The following SSR4 variants were observed in gnomAD, a reference collection of about 807,000 sequenced individuals.
SSR4 encodes the protein translocon-associated protein subunit delta.
For missense variants in SSR4, 125 were observed against 148.8 expected, an observed-to-expected ratio of 0.84 and a Z score of 0.83; for synonymous variants, 84 against 65.6, an observed-to-expected ratio of 1.28 and a Z score of -1.35.
At chrX:153,794,404 G>C, upstream of SSR4, 1 of 1,142,333 alleles carries the variant, frequency 8.8e-7, no homozygotes, top group Non-Finnish European at 1.2e-6. Context: ...GCGAAGTTTC[G>C]GGGACAGGCG....
upstream of SSR4, chrX:153,794,650 G>C (rs1557071682): frequency 8.3e-7 from 1 of 1,211,660 alleles, no homozygotes; most frequent in Admixed American, 2.2e-5. Context: ...CGTGTTCATG[G>C]GAGCTCGTTT....
In SSR4 at chrX:153,797,435, C is replaced by T. The variant is rs151034120; in HGVS notation, c.187-23C>T. The T allele has an allele frequency of 8.5e-4, 1,021 of 1,196,039 alleles. 6 individuals are homozygous for T. The African/African-American group carries it at 0.016, about 18-fold the overall frequency. On this transcript the variant is annotated intron_variant, in intron 2 of 5. Transcript: ENST00000370086. The stretch of plus-strand genomic sequence containing the variant: ...ACACCCAGAGGGGGCAGAAGGTGAC[C>T]CTGCCTTTGTTCCCTCACCCAGAAC...
In SSR4 at chrX:153,797,536, A is replaced by AG; in HGVS notation, c.261+8dup. 2.5e-6 allele frequency: 3 copies of AG among 1,207,619 alleles called. No homozygotes were observed. Among genetic ancestry groups the AG allele is most frequent in the Non-Finnish European group, 1.1e-6 (1 of 891,676 alleles). On this transcript the variant is annotated splice_donor_region_variant and intron_variant, in intron 3 of 5. Transcript: ENST00000370086. ...CCAGGATGTGGGGCGTTATCAGGTG[A>AG]GGGGCCAATGGTTCCCTTGCTAGGG... is the stretch of plus-strand genomic sequence containing the variant.
intron 1 of SSR4, 55 bp from the exon 2 acceptor site, chrX:153,796,379 C>T: frequency 1.1e-6 from 1 of 929,377 alleles, no homozygotes; most frequent in Non-Finnish European, 1.6e-6. Flanking sequence ...ATCCTGCCCT[C>T]AGACCGGGAT....
upstream of SSR4, chrX:153,794,255 A>T: frequency 8.4e-7 from 1 of 1,194,799 alleles, no homozygotes; most frequent in Non-Finnish European, 1.1e-6. Context: ...CCTCCCAGGG[A>T]CGGCAGAGAA....
At chrX:153,796,260 A>G (rs2092140354) in intron 1 of SSR4, 174 bp from the exon 2 acceptor site, 1 of 430,414 alleles carries the variant, frequency 2.3e-6, no homozygotes, top group African/African-American at 2.4e-5. Flanking sequence ...CTACGTTGCC[A>G]TTGCATTTGT....
At chrX:153,794,344 T>C, upstream of SSR4, 1 of 1,184,795 alleles carries the variant, frequency 8.4e-7, no homozygotes, top group Non-Finnish European at 1.1e-6. Context: ...AGTGAGAGCC[T>C]CCGCACGTCC....
chrX:153,796,182 C>T (rs1355186545), intron 1 of SSR4: 2 of 381,316 alleles, frequency 5.2e-6, no homozygotes, highest in Non-Finnish European at 9.2e-6. Context: ...GTCCCCAGTT[C>T]GCTCTTCCTG....
intron 1 of SSR4, chrX:153,795,332 T>G (rs1257077850): frequency 1.8e-5 from 2 of 112,754 alleles, no homozygotes; most frequent in Non-Finnish European, 3.7e-5. Context: ...AGAGTGTGTT[T>G]AGGAGGTGGC....
chrX:153,794,948 C>T (rs1310683586), intron 1 of SSR4, 194 bp downstream of exon 1: 1 of 485,459 alleles, frequency 2.1e-6, no homozygotes, highest in Non-Finnish European at 3.4e-6. Flanking sequence ...CAGGCTTTTC[C>T]TTGTCTGCCC....
chrX:153,797,139 A>T, intron 2 of SSR4: 1 of 313,616 alleles, frequency 3.2e-6, no homozygotes, highest in Non-Finnish European at 5.7e-6. Flanking sequence ...GGCACCCCTG[A>T]CCCCAGCACC....
At chrX:153,794,438 G>A (rs1603257011), upstream of SSR4, 8 of 1,136,187 alleles carry the variant, frequency 7.0e-6, no homozygotes, top group East Asian at 1.6e-4. Flanking sequence ...GCGCACGCGC[G>A]CGGTCGCACC....
In SSR4 at chrX:153,798,447, G is replaced by C; in HGVS notation, c.*14G>C. On this transcript the variant is annotated 3_prime_UTR_variant, in exon 6 of 6. Transcript: ENST00000370086. ...ATCCAGGCCTGAGGGCGGCACCCCA[G>C]CCCTGCCCTTGCTTCCTTCAATAAA... The C allele has an allele frequency of 2.6e-6, 3 of 1,162,021 alleles. No homozygotes were observed. The highest frequency in any genetic ancestry group is 3.5e-6 in the Non-Finnish European group (3 of 866,701).
upstream of SSR4, chrX:153,794,283 G>T: frequency 8.3e-7 from 1 of 1,199,280 alleles, no homozygotes. Context: ...CCCGAGCACC[G>T]CCTTCGCGGC....
intron 1 of SSR4, 159 bp from the exon 2 acceptor site, chrX:153,796,275 G>C: frequency 4.6e-6 from 2 of 438,474 alleles, no homozygotes; most frequent in South Asian, 7.0e-5. Flanking sequence ...ATTTGTGACC[G>C]AGCACTTGGA....
At chrX:153,794,647 A>T (rs375831510), upstream of SSR4, 2 of 1,210,944 alleles carry the variant, frequency 1.7e-6, no homozygotes, top group East Asian at 3.0e-5. Context: ...CCTCGTGTTC[A>T]TGGGAGCTCG....
intron 4 of SSR4, 71 bp from the exon 5 acceptor site, chrX:153,798,000 T>TCCC: frequency 4.3e-6 from 3 of 703,972 alleles, no homozygotes; most frequent in Non-Finnish European, 6.8e-6. Flanking sequence ...TACCTGTCTT[T>TCCC]CCCCTCCCCT....
upstream of SSR4, chrX:153,794,253 G>A (rs1207204790): frequency 2.3e-5 from 28 of 1,194,860 alleles, no homozygotes; most frequent in Non-Finnish European, 3.0e-5. Flanking sequence ...CACCTCCCAG[G>A]GACGGCAGAG....
intron 1 of SSR4, 116 bp downstream of exon 1, chrX:153,794,870 C>T (rs2092129758): frequency 1.8e-5 from 17 of 926,678 alleles, no homozygotes; most frequent in Non-Finnish European, 2.5e-5. Flanking sequence ...CGGGCCGGGC[C>T]TTCCCCCGAG....
Sources: gnomAD v4.1 joint callset for allele counts on GRCh38, gnomAD v4.1.1 for gene constraint, MANE v1.5 for transcripts, NCBI Gene and HGNC (gene_info 2026-07-23, HGNC 2026-07-21) for gene names.